Variants in RABEP1 observed in about 807,000 individuals in gnomAD.
The protein encoded by RABEP1 is rab GTPase-binding effector protein 1.
A neutral mutation model predicts 123.4 loss-of-function variants in RABEP1; 51 were observed. The observed-to-expected ratio is 0.41, with a 90% confidence interval of 0.33 to 0.52. The LOEUF is 0.52. Ranked by LOEUF, RABEP1 falls within the 20% of genes least tolerant of loss-of-function variation. The pLI, the probability that RABEP1 is intolerant of heterozygous loss-of-function variation, is 0.16. For synonymous variants in RABEP1, 347 were observed against 355.2 expected (o/e 0.98, Z 0.26); for missense variants, 888 against 996.3 (o/e 0.89, Z 1.46).
At chr17:5,306,860 A>G (rs2075183975) in intron 1 of RABEP1, among the ~76,000 whole-genome samples, 1 of 152,206 alleles carries the variant, frequency 6.6e-6, no homozygotes, top group African/African-American at 2.4e-5. Context: ...ATCTCATGTA[A>G]TTTATTGAAT....
chr17:5,313,389 G>T (rs2075264081), intron 2 of RABEP1, among the ~76,000 whole-genome samples: 1 of 152,126 alleles, frequency 6.6e-6, no homozygotes, highest in Non-Finnish European at 1.5e-5. Context: ...TGTTCATCCT[G>T]TCTACAGCTA....
intron 13 of RABEP1, among the ~76,000 whole-genome samples, chr17:5,376,741 G>GC (rs1339270125): frequency 6.6e-6 from 1 of 152,142 alleles, no homozygotes; most frequent in Non-Finnish European, 1.5e-5. Flanking sequence ...GTGTGAACTT[G>GC]CTACTCAGTT....
At chr17:5,338,547 A>G (rs1167564240) in intron 5 of RABEP1, among the ~76,000 whole-genome samples, 2 of 152,384 alleles carry the variant, frequency 1.3e-5, no homozygotes, top group South Asian at 2.1e-4. Flanking sequence ...CGGCCTGGGC[A>G]ACAGGAGCGA....
intron 2 of RABEP1, among the ~76,000 whole-genome samples, chr17:5,313,401 T>C (rs2144538308): frequency 6.6e-6 from 1 of 152,380 alleles, no homozygotes; most frequent in Non-Finnish European, 1.5e-5. Flanking sequence ...CTACAGCTAA[T>C]TGAAGTCAGT....
chr17:5,380,289 C>G (rs1418065928), intron 15 of RABEP1, 75 bp from the exon 16 acceptor site: 1 of 976,542 alleles, frequency 1.0e-6, no homozygotes, highest in Non-Finnish European at 1.5e-6. Flanking sequence ...ATTCTCCAGG[C>G]TCTAGGCTCT....
intron 6 of RABEP1, 110 bp from the exon 7 acceptor site, chr17:5,350,341 C>G: frequency 8.5e-7 from 1 of 1,177,732 alleles, no homozygotes; most frequent in Non-Finnish European, 1.2e-6. Context: ...GATTGCACCA[C>G]TGCACTCCAG....
At chr17:5,299,776 C>G (rs2075119994) in intron 1 of RABEP1, among the ~76,000 whole-genome samples, 1 of 130,474 alleles carries the variant, frequency 7.7e-6, no homozygotes, top group Non-Finnish European at 1.5e-5. Context: ...TGTCGCCAGG[C>G]TGGAGTGCAA....
rs11432831 is a variant in RABEP1 at position 5,310,301 on chromosome 17, C to CTTTTT, written c.163+1493_163+1497dup. Among the ~76,000 whole-genome samples the CTTTTT allele has an allele frequency of 5.9e-4, 74 of 126,412 alleles. 8 individuals carry two copies. The highest frequency in any genetic ancestry group is 1.2e-3 in the African/African-American group (38 of 32,808). 82.9% of individuals were successfully genotyped at this position (126,412 alleles called of 152,430 possible). ...TTACAATTTAAATGAAAGCTTCGTC[C>CTTTTT]TTTTTTTTTTTTTTTTTTGAGATGG... On this transcript the variant is annotated intron_variant, in intron 2 of 17. Coordinates refer to ENST00000537505, the MANE Select transcript of RABEP1 (RefSeq NM_004703.6).
At chr17:5,347,211 A>G (rs1597374672) in intron 6 of RABEP1, among the ~76,000 whole-genome samples, 1 of 152,116 alleles carries the variant, frequency 6.6e-6, no homozygotes, top group Non-Finnish European at 1.5e-5. Context: ...GGAGTTTGAG[A>G]CCAGCCTGGC....
intron 2 of RABEP1, among the ~76,000 whole-genome samples, chr17:5,313,808 T>C (rs140492646): frequency 1.2e-3 from 179 of 152,364 alleles, no homozygotes; most frequent in African/African-American, 3.9e-3. Flanking sequence ...TTTTGAGTTT[T>C]TGGTGGCGTT....
chr17:5,342,353 T>C (rs912273279), intron 5 of RABEP1, among the ~76,000 whole-genome samples: 9 of 152,182 alleles, frequency 5.9e-5, no homozygotes, highest in Non-Finnish European at 8.8e-5. Context: ...AGATAGAGCA[T>C]TGGGCCGGGT....
At chr17:5,313,839 T>TA (rs2075268706) in intron 2 of RABEP1, among the ~76,000 whole-genome samples, 1 of 152,232 alleles carries the variant, frequency 6.6e-6, no homozygotes, top group African/African-American at 2.4e-5. Flanking sequence ...ATGCATAGTA[T>TA]ATAAAAGGTC....
chr17:5,285,798 T>C (rs1207302148), intron 1 of RABEP1, among the ~76,000 whole-genome samples: 1 of 152,204 alleles, frequency 6.6e-6, no homozygotes, highest in African/African-American at 2.4e-5. Context: ...CCATCTGGCT[T>C]ATGTACTAGA....
At chr17:5,334,177 A>T (rs902641691) in intron 3 of RABEP1, among the ~76,000 whole-genome samples, 2 of 151,086 alleles carry the variant, frequency 1.3e-5, no homozygotes, top group African/African-American at 2.4e-5. Context: ...GGGACCACAG[A>T]CATGGCGACA....
At chr17:5,361,850 C>G in intron 9 of RABEP1, 175 bp downstream of exon 9, 1 of 594,668 alleles carries the variant, frequency 1.7e-6, no homozygotes, top group Non-Finnish European at 2.9e-6. Context: ...TTGGGTATTC[C>G]AGGTAATTGT....
In RABEP1 at chr17:5,363,035, C is replaced by T. The variant is rs775419790; in HGVS notation, c.1668+19C>T. 52 of 1,559,398 alleles carry T rather than the reference C, an allele frequency of 3.3e-5. No homozygotes were observed. The highest frequency in any genetic ancestry group is 1.8e-4 in the Admixed American group (11 of 59,894). ...AGACCAGGTGAGTTTCTTCTGGATGCGCCAAATTGGATATTGTCGTTTTCA... is the reference window on the plus strand; with the variant it reads ...AGACCAGGTGAGTTTCTTCTGGATGTGCCAAATTGGATATTGTCGTTTTCA... On this transcript the variant is annotated intron_variant, in intron 10 of 17. Coordinates refer to ENST00000537505, the MANE Select transcript of RABEP1 (RefSeq NM_004703.6).
chr17:5,363,985 T>C (rs1909795268), intron 10 of RABEP1, among the ~76,000 whole-genome samples: 1 of 152,232 alleles, frequency 6.6e-6, no homozygotes. Flanking sequence ...GTTCTTTGGT[T>C]GTTATGAAGA....
At chr17:5,325,197 G>T (rs72836385) in intron 2 of RABEP1, among the ~76,000 whole-genome samples, 1 of 151,946 alleles carries the variant, frequency 6.6e-6, no homozygotes, top group African/African-American at 2.4e-5. Context: ...TTATCTAGGC[G>T]TAGTGGTGCC....
intron 2 of RABEP1, among the ~76,000 whole-genome samples, chr17:5,330,748 C>T (rs563231507): frequency 5.3e-5 from 8 of 151,958 alleles, no homozygotes; most frequent in Non-Finnish European, 1.0e-4. Flanking sequence ...TAAGGCCGGG[C>T]GCGGTGGCTC....
Sources: gnomAD v4.1 joint callset for allele counts (sites outside exome capture counted in the v4.1 genomes callset) on GRCh38, gnomAD v4.1.1 for gene constraint, MANE v1.5 for transcripts, NCBI Gene and HGNC (gene_info 2026-07-23, HGNC 2026-07-21) for gene names.